Variants in ANKS1B observed in about 807,000 individuals in gnomAD.
ANKS1B encodes the protein ankyrin repeat and sterile alpha motif domain-containing protein 1B.
In ANKS1B, 36 loss-of-function variants were observed where a neutral mutation model predicts 148.3. The ratio of observed to expected loss-of-function variants is 0.24; its 90% CI spans 0.19 to 0.32. ANKS1B has a LOEUF of 0.32. ANKS1B is among the 10% of genes least tolerant of loss of function. The pLI is 1.00. For missense variants in ANKS1B, 1,157 were observed against 1,542.6 expected, an observed-to-expected ratio of 0.75 and a Z score of 4.19; for synonymous variants, 542 against 560.8, an observed-to-expected ratio of 0.97 and a Z score of 0.47.
intron 8 of ANKS1B, among the ~76,000 whole-genome samples, chr12:99,717,737 AG>A (rs1190763557): frequency 6.6e-6 from 1 of 152,092 alleles, no homozygotes; most frequent in Non-Finnish European, 1.5e-5. Flanking sequence ...TCACAGTGGA[AG>A]GTAAGTCCGT....
At chr12:99,217,782 G>A (rs1444187411) in intron 14 of ANKS1B, among the ~76,000 whole-genome samples, 2 of 152,134 alleles carry the variant, frequency 1.3e-5, no homozygotes, top group African/African-American at 4.8e-5. Context: ...TACTGTGTAA[G>A]TGTCCCATTT....
chr12:99,513,192 C>T (rs910359362), intron 9 of ANKS1B, among the ~76,000 whole-genome samples: 5 of 151,984 alleles, frequency 3.3e-5, no homozygotes, highest in African/African-American at 9.7e-5. Context: ...TGATCGTTGG[C>T]ATGTTTTAGT....
chr12:99,895,417 C>T (rs966871500), intron 1 of ANKS1B, among the ~76,000 whole-genome samples: 1 of 131,444 alleles, frequency 7.6e-6, no homozygotes, highest in East Asian at 1.9e-4. Context: ...AATCCATCAA[C>T]CCCCAACCCG....
At chr12:99,559,261 A>G (rs952643284) in intron 9 of ANKS1B, among the ~76,000 whole-genome samples, 1 of 152,122 alleles carries the variant, frequency 6.6e-6, no homozygotes, top group Non-Finnish European at 1.5e-5. Flanking sequence ...CATTTTAAAA[A>G]TCAGATCTTC....
chr12:99,326,717 T>G (rs1382262523), intron 12 of ANKS1B, among the ~76,000 whole-genome samples: 1 of 151,646 alleles, frequency 6.6e-6, no homozygotes, highest in Non-Finnish European at 1.5e-5. Context: ...TTTAATTTTT[T>G]TTTTACAAAC....
At chr12:99,121,346 T>C (rs2062820891) in intron 15 of ANKS1B, among the ~76,000 whole-genome samples, 1 of 151,590 alleles carries the variant, frequency 6.6e-6, no homozygotes, top group Non-Finnish European at 1.5e-5. Flanking sequence ...TGTGTGTGTG[T>C]GTGTGTGTGT....
At chr12:99,550,349 C>G (rs950918817) in intron 9 of ANKS1B, among the ~76,000 whole-genome samples, 2 of 152,092 alleles carry the variant, frequency 1.3e-5, no homozygotes, top group African/African-American at 4.8e-5. Context: ...TCCAATCAAG[C>G]GCGGTGGCTT....
rs914940314 is a variant in ANKS1B at position 99,246,616 on chromosome 12, C to T, written c.2005G>A (p.Val669Ile). Residue 669 changes from valine (V) to isoleucine (I), a missense_variant, in exon 13 of 27, where the codon GTC becomes ATC. Around this residue, in one of 6 missense-constraint regions of ANKS1B, gnomAD observed 661 missense variants for 642.1 expected, o/e 1.03. Transcript: ENST00000683438. Reference protein sequence around the residue: ...PLVKKIKPKVVSRTIFHKKSN... With the variant: ...PLVKKIKPKVISRTIFHKKSN... ...TTTTTGTGAAAAATTGTTCTACTGA[C>T]CACTTTGGGTTTAATTTTCTTTACC... 3 of 1,613,526 alleles carry T rather than the reference C, an allele frequency of 1.9e-6. No homozygotes were observed. In the South Asian group the frequency reaches 3.3e-5, roughly 18 times the overall value.
intron 4 of ANKS1B, among the ~76,000 whole-genome samples, chr12:99,803,963 A>G (rs1044978481): frequency 6.6e-6 from 1 of 152,244 alleles, no homozygotes; most frequent in East Asian, 1.9e-4. Context: ...CGTGGGGCAG[A>G]GATAGTTTTG....
intron 12 of ANKS1B, among the ~76,000 whole-genome samples, chr12:99,253,324 G>A (rs1602099106): frequency 6.6e-6 from 1 of 152,138 alleles, no homozygotes; most frequent in East Asian, 1.9e-4. Flanking sequence ...TCAGATGTGA[G>A]AGCACCACTT....
chr12:99,002,514 T>C (rs2099933660), intron 17 of ANKS1B, among the ~76,000 whole-genome samples: 1 of 150,366 alleles, frequency 6.7e-6, no homozygotes, highest in African/African-American at 2.5e-5. Context: ...GATGAGAACA[T>C]TGGCTTTTTG....
intron 9 of ANKS1B, among the ~76,000 whole-genome samples, chr12:99,614,831 T>G (rs537836974): frequency 6.6e-6 from 1 of 152,084 alleles, no homozygotes; most frequent in Admixed American, 6.6e-5. Context: ...TTTCTAGGAT[T>G]TTCATAATTC....
intron 9 of ANKS1B, among the ~76,000 whole-genome samples, chr12:99,583,270 G>T (rs2097588145): frequency 1.3e-5 from 2 of 152,262 alleles, no homozygotes; most frequent in South Asian, 4.1e-4. Context: ...TATTCTTAGT[G>T]TGTGAGCTGA....
chr12:99,559,206 C>T (rs959527123), intron 9 of ANKS1B, among the ~76,000 whole-genome samples: 2 of 152,140 alleles, frequency 1.3e-5, no homozygotes, highest in Non-Finnish European at 2.9e-5. Flanking sequence ...AGATGTTCCT[C>T]CTAGTTGCAT....
At chr12:98,979,753 G>T (rs1197559204) in intron 17 of ANKS1B, among the ~76,000 whole-genome samples, 1 of 151,810 alleles carries the variant, frequency 6.6e-6, no homozygotes, top group Non-Finnish European at 1.5e-5. Flanking sequence ...GTGTGCGTGC[G>T]CTTATCTTGC....
At chr12:99,790,853 A>C (rs2065555756) in intron 4 of ANKS1B, among the ~76,000 whole-genome samples, 1 of 152,070 alleles carries the variant, frequency 6.6e-6, no homozygotes, top group Non-Finnish European at 1.5e-5. Flanking sequence ...AAAGGAAAAA[A>C]GGAAGAGCAG....
intron 17 of ANKS1B, among the ~76,000 whole-genome samples, chr12:99,029,750 G>A (rs1213976117): frequency 6.6e-6 from 1 of 152,240 alleles, no homozygotes; most frequent in East Asian, 1.9e-4. Flanking sequence ...ACGTAAAGAA[G>A]ATTGACTGAA....
rs1276616014 is a variant in ANKS1B, at chr12:99,329,078, G to C, written c.1756+70553C>G. Among the ~76,000 whole-genome samples the C allele has an allele frequency of 2.0e-5, 3 of 151,826 alleles. No individual in the cohort carries two copies. In the Admixed American group the frequency reaches 2.0e-4, roughly 10 times the overall value. On this transcript the variant is annotated intron_variant, in intron 12 of 26. Coordinates refer to ENST00000683438, the MANE Select transcript of ANKS1B (RefSeq NM_001352186.2). ...AATAGAATCCAAAGAAAAATGAACA[G>C]AGCCTCAGTGAACTATGGAGCAACT...
chr12:99,231,568 G>A (rs966095170), intron 14 of ANKS1B, among the ~76,000 whole-genome samples: 4 of 152,028 alleles, frequency 2.6e-5, no homozygotes, highest in African/African-American at 9.7e-5. Context: ...GTAGTAAACT[G>A]CACATCATCT....
Sources: allele counts gnomAD v4.1 joint callset (sites outside exome capture counted in the v4.1 genomes callset), GRCh38; gene constraint gnomAD v4.1.1; regional missense constraint gnomAD v4.1.1; transcripts MANE v1.5; gene names NCBI Gene and HGNC (gene_info 2026-07-23, HGNC 2026-07-21).